The following SLC23A1 variants were observed in gnomAD, a reference collection of about 807,000 sequenced individuals.
SLC23A1 encodes the protein solute carrier family 23 member 1, also known as Na(+)/L-ascorbic acid transporter 1.
Under a neutral mutation model 62.5 loss-of-function variants are expected in SLC23A1, and 31 were observed. That is an observed-to-expected ratio of 0.50 (90% CI 0.37 to 0.67). The LOEUF (loss-of-function observed/expected upper bound fraction) is 0.67, where lower values mean the gene tolerates loss of function less well. Among genes scored for constraint, SLC23A1 ranks in the 30% least tolerant of loss-of-function variants. SLC23A1 has a pLI of 0.00. For synonymous variants in SLC23A1, 271 were observed against 313.2 expected, an observed-to-expected ratio of 0.87 and a Z score of 1.42; for missense variants, 640 against 782.7, an observed-to-expected ratio of 0.82 and a Z score of 2.18.
At chr5:139,370,695 T>G (rs377508799) in intron 14 of SLC23A1, among the ~76,000 whole-genome samples, 12 of 151,920 alleles carry the variant, frequency 7.9e-5, no homozygotes, top group African/African-American at 2.9e-4. Flanking sequence ...GGTTTTGCCA[T>G]GTTGGCCAGG....
In SLC23A1 at chr5:139,380,807, G is replaced by T; in HGVS notation, c.388C>A (p.Pro130Thr). Residue 130 changes from proline to threonine, a missense_variant, in exon 4 of 15, where the codon CCC becomes ACC. By Grantham distance (38) the Pro-to-Thr change is conservative (BLOSUM62 -1). Coordinates refer to ENST00000348729, the MANE Select transcript of SLC23A1 (RefSeq NM_005847.5). ...CCAGAAGTGTACCCACCTTCCGGGG[G>T]GCATTTCCATCTCTCCAGAGCCAGT... Reference protein sequence around the residue: ...AILALERWKCPPEEEIYGNWS... With the variant: ...AILALERWKCTPEEEIYGNWS... 6.4e-7 allele frequency: 1 copy of T among 1,567,882 alleles called. No homozygotes were observed. The highest frequency in any genetic ancestry group is 2.3e-5 in the East Asian group (1 of 43,556).
rs531733309 is a variant in SLC23A1 at position 139,377,901 on chromosome 5, C to G, written c.1453+74G>C. Reference sequence around the variant, plus strand: ...GATTTGTGGCTGTAGCTGTGTGGAGCCTTTGAGGGAGGGGGCTGTGCTCAA... The same window carrying G: ...GATTTGTGGCTGTAGCTGTGTGGAGGCTTTGAGGGAGGGGGCTGTGCTCAA... On this transcript the variant is annotated intron_variant, in intron 12 of 14. Coordinates refer to ENST00000348729, the MANE Select transcript of SLC23A1 (RefSeq NM_005847.5). 1,083 of 1,450,612 alleles carry G rather than the reference C, an allele frequency of 7.5e-4. 1 individual carries two copies. Among genetic ancestry groups the G allele is most frequent in the Middle Eastern group, 1.1e-3 (5 of 4,488 alleles). 89.9% of individuals were successfully genotyped at this position (1,450,612 alleles called of 1,614,324 possible). A position where few individuals can be genotyped will look rare whatever the true frequency, so the allele number is the denominator to read the frequency against.
At chr5:139,385,043 A>AAGTCTGAATCCCCTC (rs1758459255), upstream of SLC23A1, among the ~76,000 whole-genome samples, 1 of 152,132 alleles carries the variant, frequency 6.6e-6, no homozygotes, top group South Asian at 2.1e-4. Flanking sequence ...CCGGTCCCCT[A>AAGTCTGAATCCCCTC]AGTCTGAATC....
chr5:139,380,461 G>A (rs767315820), intron 5 of SLC23A1, 72 bp from the exon 6 acceptor site: 82 of 1,600,096 alleles, frequency 5.1e-5, no homozygotes, highest in Non-Finnish European at 4.6e-5. Flanking sequence ...CAGGAACAAA[G>A]CTCCTGGACC....
chr5:139,373,379 T>C (rs546609712), intron 13 of SLC23A1, among the ~76,000 whole-genome samples: 1 of 152,256 alleles, frequency 6.6e-6, no homozygotes, highest in South Asian at 2.1e-4. Context: ...GGTTTCACCA[T>C]GTTGGCCAGG....
At chr5:139,372,306 C>G in intron 13 of SLC23A1, 53 bp from the exon 14 acceptor site, 2 of 1,563,434 alleles carry the variant, frequency 1.3e-6, no homozygotes, top group Non-Finnish European at 8.7e-7. Flanking sequence ...TCAGCCACCC[C>G]CACTTCCCAT....
At chr5:139,371,841 T>C in intron 14 of SLC23A1, 146 bp downstream of exon 14, 1 of 697,852 alleles carries the variant, frequency 1.4e-6, no homozygotes, top group South Asian at 1.8e-5. Flanking sequence ...ATCCGTATGT[T>C]GACTTTTTAC....
At position 139,378,137 on chromosome 5, in the gene SLC23A1, G is replaced by C. The variant is rs763327795; in HGVS notation, c.1310-19C>G. 5.5e-5 allele frequency: 88 copies of C among 1,613,970 alleles called. No individual in the cohort carries two copies. The highest frequency in any genetic ancestry group is 7.2e-5 in the Non-Finnish European group (85 of 1,179,996). On this transcript the variant is annotated intron_variant, in intron 11 of 14. Transcript: ENST00000348729. The surrounding 1 kb of genome is among the most constrained non-coding windows in gnomAD (Gnocchi z 4.5). ...ATCATGCCTAAGGGCGCAAGAGAAC[G>C]GCTGGAGGCGCCGCACACGCGTAAT... is the stretch of plus-strand genomic sequence containing the variant.
chr5:139,382,380 C>A, intron 2 of SLC23A1, 112 bp downstream of exon 2: 1 of 643,698 alleles, frequency 1.6e-6, no homozygotes. Flanking sequence ...AGCCACTGTG[C>A]TGACCTCAGG....
chr5:139,375,128 TGA>T lies in SLC23A1; in HGVS notation c.1549+2272_1549+2273del, dbSNP rs371837129. Among the ~76,000 whole-genome samples the T allele has an allele frequency of 3.2e-4, 48 of 152,300 alleles. No homozygotes were observed. In the Middle Eastern group the frequency reaches 0.014, roughly 43 times the overall value. ...TATGTGAACATGAACACTTGGATCT[TGA>T]GAGAGAGGGAGGCAGACAGGACCTG... On this transcript the variant is annotated intron_variant, in intron 13 of 14. Coordinates refer to ENST00000348729, the MANE Select transcript of SLC23A1 (RefSeq NM_005847.5).
upstream of SLC23A1, chr5:139,383,486 G>T (rs989521736): frequency 1.2e-5 from 8 of 655,348 alleles, no homozygotes; most frequent in Non-Finnish European, 1.5e-5. Flanking sequence ...GCCCACATCT[G>T]CGCCTGGGCG....
At chr5:139,384,581 T>C (rs1758435901), upstream of SLC23A1, 1 of 1,278,238 alleles carries the variant, frequency 7.8e-7, no homozygotes, top group African/African-American at 1.5e-5. Flanking sequence ...CCAGCACTTT[T>C]CTCTCCAACT....
intron 14 of SLC23A1, among the ~76,000 whole-genome samples, chr5:139,370,287 C>T (rs1456058900): frequency 6.6e-6 from 1 of 152,158 alleles, no homozygotes; most frequent in Non-Finnish European, 1.5e-5. Context: ...TCTCCTGCCT[C>T]AGCCTCCCAA....
intron 13 of SLC23A1, among the ~76,000 whole-genome samples, chr5:139,376,440 T>A (rs1394235351): frequency 1.3e-5 from 2 of 152,170 alleles, no homozygotes; most frequent in East Asian, 3.9e-4. Context: ...AGTGATGGGA[T>A]TACAGGCATG....
intron 14 of SLC23A1, 119 bp downstream of exon 14, chr5:139,371,868 T>C: frequency 1.3e-6 from 1 of 785,002 alleles, no homozygotes; most frequent in Non-Finnish European, 2.1e-6. Context: ...CACCTTCTCT[T>C]TGAGGACATT....
chr5:139,381,210 G>T (rs921366307), intron 3 of SLC23A1, among the ~76,000 whole-genome samples: 2 of 152,190 alleles, frequency 1.3e-5, no homozygotes, highest in Non-Finnish European at 2.9e-5. Context: ...CCTGTCCCCC[G>T]CTGCTCAAAC....
upstream of SLC23A1, chr5:139,384,368 C>T (rs1206734511): frequency 6.2e-6 from 8 of 1,287,664 alleles, no homozygotes; most frequent in African/African-American, 1.5e-5. Flanking sequence ...TTCTGGGTCG[C>T]TGTGCCCATG....
intron 1 of SLC23A1, 123 bp downstream of exon 1, chr5:139,383,095 A>G (rs1758360443): frequency 1.6e-6 from 1 of 621,464 alleles, no homozygotes. Flanking sequence ...TCAATTTGGG[A>G]CAGTCACTCT....
In SLC23A1 at chr5:139,378,034, A is replaced by G. The variant is rs1410695011; in HGVS notation, c.1394T>C (p.Met465Thr). The change falls in exon 12 of 15, where the codon ATG (methionine) becomes ACG (threonine). Residue 465 changes from methionine to threonine, a missense_variant. Transcript: ENST00000348729. This position sits in a 1 kb window ranked among gnomAD's most constrained non-coding sequence, Gnocchi z 4.5. ...SRNLFVLGFS[M>T]FFGLTLPNYL... ...ATTGGGCAGCGTGAGCCCGAAGAAC[A>G]TGGAAAATCCCAGCACGAAGAGGTT... The G allele has an allele frequency of 1.9e-6, 3 of 1,614,140 alleles. No homozygotes were observed. Among genetic ancestry groups the G allele is most frequent in the Non-Finnish European group, 2.5e-6 (3 of 1,180,000 alleles).
Sources: allele counts gnomAD v4.1 joint callset (sites outside exome capture counted in the v4.1 genomes callset), GRCh38; gene constraint gnomAD v4.1.1; non-coding constraint Gnocchi (gnomAD v3.1); transcripts MANE v1.5; gene names NCBI Gene and HGNC (gene_info 2026-07-23, HGNC 2026-07-21).